Variants in TFDP2 observed in about 807,000 individuals in gnomAD.
The protein encoded by TFDP2 is transcription factor Dp-2.
Under a neutral mutation model 59.3 loss-of-function variants are expected in TFDP2, and 17 were observed. That is an observed-to-expected ratio of 0.29 (90% CI 0.20 to 0.43). TFDP2 has a LOEUF of 0.43. TFDP2 is among the 20% of genes least tolerant of loss of function. The pLI, the probability that TFDP2 is intolerant of heterozygous loss-of-function variation, is 1.00. For missense variants in TFDP2, 391 were observed against 528.8 expected, an observed-to-expected ratio of 0.74 and a Z score of 2.56; for synonymous variants, 180 against 194.7, an observed-to-expected ratio of 0.92 and a Z score of 0.63.
chr3:141,983,498 C>T (rs1191280346), intron 6 of TFDP2, among the ~76,000 whole-genome samples: 4 of 151,780 alleles, frequency 2.6e-5, no homozygotes, highest in East Asian at 1.9e-4. Flanking sequence ...ATTAGCTGGA[C>T]GTGGTGGTAC....
At chr3:142,058,536 T>C (rs978273825) in intron 3 of TFDP2, among the ~76,000 whole-genome samples, 3 of 152,156 alleles carry the variant, frequency 2.0e-5, no homozygotes, top group African/African-American at 7.2e-5. Flanking sequence ...ACTACAAATT[T>C]GAGGGTTCCC....
chr3:141,964,270 T>C lies in TFDP2; in HGVS notation c.733-307A>G, dbSNP rs114695705. On this transcript the variant is annotated intron_variant, in intron 9 of 12. Transcript: ENST00000489671. ...TTATCTAACATAGACTCCTGACAGT[T>C]TGGGGTCAAATATGCCCCCAAACTT... is the stretch of plus-strand genomic sequence containing the variant. Among the ~76,000 whole-genome samples the C allele has an allele frequency of 1.4e-3, 210 of 152,116 alleles. 1 individual carries two copies. Among genetic ancestry groups the C allele is most frequent in the African/African-American group, 4.9e-3 (202 of 41,506 alleles).
chr3:141,951,706 G>A lies in TFDP2; in HGVS notation c.*807C>T, dbSNP rs574151931. 117 of 152,716 alleles carry A rather than the reference G, an allele frequency of 7.7e-4. 1 individual carries two copies. The highest frequency in any genetic ancestry group is 2.7e-3 in the African/African-American group (113 of 41,570). 9.5% of individuals were successfully genotyped at this position (152,716 alleles called of 1,614,324 possible). On this transcript the variant is annotated 3_prime_UTR_variant, in exon 13 of 13. Coordinates refer to ENST00000489671, the MANE Select transcript of TFDP2 (RefSeq NM_001178139.2). ...AATGCATAGCTTTGATTAACCTAAA[G>A]ATACAGTTTCCTTCTTTGTAAAACT...
chr3:141,976,329 A>C (rs962917773), intron 7 of TFDP2, among the ~76,000 whole-genome samples: 25 of 152,322 alleles, frequency 1.6e-4, no homozygotes, highest in Admixed American at 1.5e-3. Flanking sequence ...AAGGAACTTA[A>C]GTTATAAAGG....
intron 3 of TFDP2, among the ~76,000 whole-genome samples, chr3:142,060,821 G>A (rs918972557): frequency 6.6e-6 from 1 of 152,176 alleles, no homozygotes; most frequent in African/African-American, 2.4e-5. Flanking sequence ...ACAAACATCT[G>A]GGTAGTGCTT....
At chr3:142,081,243 CA>C (rs1298553906) in intron 3 of TFDP2, among the ~76,000 whole-genome samples, 1 of 151,430 alleles carries the variant, frequency 6.6e-6, no homozygotes, top group African/African-American at 2.4e-5. Flanking sequence ...ACCAGAGGGT[CA>C]AAAAAGAAAT....
In TFDP2 at chr3:141,967,248, T is replaced by C. The variant is rs572429986; in HGVS notation, c.732+2825A>G. ...TACTTTCTATGACAACTTAATTTATTTGATGAAAGGAAAAAAACTGAAATG... is the reference window on the plus strand; with the variant it reads ...TACTTTCTATGACAACTTAATTTATCTGATGAAAGGAAAAAAACTGAAATG... On this transcript the variant is annotated intron_variant, in intron 9 of 12. Transcript: ENST00000489671. Among the ~76,000 whole-genome samples, 12 of 151,564 alleles carry C rather than the reference T, an allele frequency of 7.9e-5. No homozygotes were observed. In the East Asian group the frequency reaches 2.0e-3, roughly 25 times the overall value.
intron 3 of TFDP2, among the ~76,000 whole-genome samples, chr3:142,017,465 C>T (rs887404391): frequency 1.3e-5 from 2 of 152,060 alleles, no homozygotes; most frequent in African/African-American, 4.8e-5. Context: ...ATATTCCCTT[C>T]CTTAGTGACA....
At chr3:142,067,635 T>C (rs2060115556) in intron 3 of TFDP2, among the ~76,000 whole-genome samples, 1 of 152,124 alleles carries the variant, frequency 6.6e-6, no homozygotes, top group Non-Finnish European at 1.5e-5. Context: ...AAAATTTATA[T>C]GACAAGGTAA....
intron 1 of TFDP2, among the ~76,000 whole-genome samples, chr3:142,109,597 G>T (rs1175825594): frequency 6.6e-6 from 1 of 152,122 alleles, no homozygotes; most frequent in Non-Finnish European, 1.5e-5. Flanking sequence ...CAAAGTGCTG[G>T]GATTACAGGC....
chr3:142,030,804 G>A (rs948203371), intron 3 of TFDP2, among the ~76,000 whole-genome samples: 5 of 143,918 alleles, frequency 3.5e-5, no homozygotes, highest in Admixed American at 7.2e-5. Flanking sequence ...GTGCAGTGGC[G>A]CGATCTCGGC....
intron 1 of TFDP2, among the ~76,000 whole-genome samples, chr3:142,112,117 T>C (rs546002906): frequency 3.9e-5 from 6 of 152,028 alleles, no homozygotes; most frequent in Non-Finnish European, 8.8e-5. Context: ...TGATTTTAAG[T>C]AGAGAGCTAC....
At chr3:142,039,411 G>C (rs2108441581) in intron 3 of TFDP2, among the ~76,000 whole-genome samples, 1 of 152,216 alleles carries the variant, frequency 6.6e-6, no homozygotes, top group Non-Finnish European at 1.5e-5. Context: ...TTTTGAGACA[G>C]GGTCTTGCTC....
chr3:141,985,685 G>C (rs1372463531), intron 6 of TFDP2, among the ~76,000 whole-genome samples: 1 of 152,126 alleles, frequency 6.6e-6, no homozygotes, highest in Non-Finnish European at 1.5e-5. Flanking sequence ...TAGGTGTTAA[G>C]TCTTTGTGAC....
intron 1 of TFDP2, among the ~76,000 whole-genome samples, chr3:142,139,458 G>C (rs1271455761): frequency 6.6e-6 from 1 of 152,260 alleles, no homozygotes; most frequent in Non-Finnish European, 1.5e-5. Flanking sequence ...TTTCTTCATA[G>C]CATTCATGGT....
At chr3:142,029,642 A>G (rs1389179667) in intron 3 of TFDP2, among the ~76,000 whole-genome samples, 2 of 152,176 alleles carry the variant, frequency 1.3e-5, no homozygotes, top group East Asian at 3.8e-4. Flanking sequence ...GATGTATGGC[A>G]CAAGTAGAAA....
intron 3 of TFDP2, among the ~76,000 whole-genome samples, chr3:142,066,915 G>GC (rs2060091021): frequency 6.6e-6 from 1 of 152,132 alleles, no homozygotes; most frequent in South Asian, 2.1e-4. Context: ...TGTAATCATT[G>GC]CAACAGGGGC....
intron 3 of TFDP2, among the ~76,000 whole-genome samples, chr3:142,061,230 C>G (rs2059906296): frequency 6.6e-6 from 1 of 152,156 alleles, no homozygotes; most frequent in Non-Finnish European, 1.5e-5. Flanking sequence ...CTGCAAACTA[C>G]AACAACGTTT....
At chr3:142,055,143 A>G (rs532831700) in intron 3 of TFDP2, among the ~76,000 whole-genome samples, 6 of 152,348 alleles carry the variant, frequency 3.9e-5, no homozygotes, top group Admixed American at 3.3e-4. Flanking sequence ...AATGGGATTC[A>G]ACAAGCATTG....
Sources: allele counts gnomAD v4.1 joint callset (sites outside exome capture counted in the v4.1 genomes callset), GRCh38; gene constraint gnomAD v4.1.1; transcripts MANE v1.5; gene names NCBI Gene and HGNC (gene_info 2026-07-23, HGNC 2026-07-21).